DLGAP1: variants seen among roughly 807,000 people sequenced by gnomAD.
DLGAP1 encodes the protein DLG associated protein 1.
In DLGAP1, 11 loss-of-function variants were observed where a neutral mutation model predicts 90.8. That is an observed-to-expected ratio of 0.12 (90% confidence interval 0.08 to 0.20). The LOEUF is 0.20. Ranked by LOEUF, DLGAP1 falls within the 10% of genes least tolerant of loss-of-function variation. The pLI is 1.00. For synonymous variants in DLGAP1, 558 were observed against 540.7 expected (o/e 1.03, Z -0.44); for missense variants, 1,050 against 1,333.8 (o/e 0.79, Z 3.31).
Position 3,729,490 on chromosome 18 carries a change from G to C in DLGAP1, c.1351-115C>G. 13 of 1,378,478 alleles carry C rather than the reference G, an allele frequency of 9.4e-6. No individual in the cohort carries two copies. Among genetic ancestry groups the C allele is most frequent in the Non-Finnish European group, 1.3e-5 (13 of 1,023,368 alleles). The allele number at this position is 1,378,478 out of a possible 1,614,324, so 85.4% of individuals were successfully genotyped here. The stretch of plus-strand genomic sequence containing the variant: ...AAAAAGCAGCGTCTGGTTAGATTAA[G>C]CTCAAATGCATTTTATTTCCTTTCT... On this transcript the variant is annotated intron_variant, in intron 6 of 12. Coordinates refer to ENST00000315677, the MANE Select transcript of DLGAP1 (RefSeq NM_004746.4). The surrounding 1 kb of genome is among the most constrained non-coding windows in gnomAD (Gnocchi z 6.2).
At chr18:4,440,209 G>T (rs4399630) in intron 1 of DLGAP1, among the ~76,000 whole-genome samples, 45,660 of 150,762 alleles carry the variant, frequency 0.3, 7,191 homozygotes, top group Non-Finnish European at 0.32. Flanking sequence ...GGACTGGGGA[G>T]TTATGAGGGG....
At chr18:4,313,802 T>C (rs1271187546) in intron 1 of DLGAP1, among the ~76,000 whole-genome samples, 1 of 152,204 alleles carries the variant, frequency 6.6e-6, no homozygotes, top group South Asian at 2.1e-4. Flanking sequence ...CTAGTTAGCA[T>C]GCTGCAGAAG....
At chr18:4,022,613 A>G (rs1006140866) in intron 2 of DLGAP1, among the ~76,000 whole-genome samples, 1 of 152,178 alleles carries the variant, frequency 6.6e-6, no homozygotes, top group African/African-American at 2.4e-5. Flanking sequence ...CTATTCATAC[A>G]TTGGTAAGTC....
intron 1 of DLGAP1, among the ~76,000 whole-genome samples, chr18:4,412,200 T>C (rs2082793967): frequency 6.6e-6 from 1 of 152,106 alleles, no homozygotes; most frequent in African/African-American, 2.4e-5. Flanking sequence ...CAAGGCCTGG[T>C]CCTGTGTTAG....
intron 4 of DLGAP1, among the ~76,000 whole-genome samples, chr18:3,875,761 C>T (rs758824343): frequency 3.9e-5 from 6 of 152,122 alleles, no homozygotes; most frequent in Admixed American, 1.3e-4. Flanking sequence ...AATTAGTACT[C>T]TGACACATGT....
intron 2 of DLGAP1, among the ~76,000 whole-genome samples, chr18:4,089,122 A>T (rs866636095): frequency 2.6e-5 from 4 of 152,082 alleles, no homozygotes; most frequent in South Asian, 4.1e-4. Context: ...TACAAAATCA[A>T]TGTGCAAAAA....
intron 4 of DLGAP1, among the ~76,000 whole-genome samples, chr18:3,833,183 T>A (rs2068144516): frequency 1.7e-5 from 1 of 60,280 alleles, no homozygotes; most frequent in African/African-American, 6.6e-5. Flanking sequence ...CCTTCCTTCC[T>A]TCCTTCCTTC....
At position 4,446,898 on chromosome 18, in the gene DLGAP1, A is replaced by C. The variant is rs144862494; in HGVS notation, c.-267+8108T>G. On this transcript the variant is annotated intron_variant, in intron 1 of 12. Coordinates refer to ENST00000315677, the MANE Select transcript of DLGAP1 (RefSeq NM_004746.4). ...CATGTATGAATAAGGAATCCACAGC[A>C]ACTAGAATATTAATAAAGAGAGGGA... Among the ~76,000 whole-genome samples, 1,025 of 152,334 alleles carry C rather than the reference A, an allele frequency of 6.7e-3. 12 individuals carry two copies. Among genetic ancestry groups the C allele is most frequent in the Non-Finnish European group, 0.011 (758 of 68,020 alleles).
intron 1 of DLGAP1, among the ~76,000 whole-genome samples, chr18:4,262,471 G>A (rs368971887): frequency 6.6e-6 from 1 of 152,090 alleles, no homozygotes; most frequent in Non-Finnish European, 1.5e-5. Context: ...GCCACACTGC[G>A]GGACAAATAA....
In DLGAP1 at chr18:3,845,501, C is replaced by T. The variant is rs1343927533; in HGVS notation, c.958-31228G>A. 5.4e-5 allele frequency: 69 copies of T among 1,272,462 alleles called. No individual in the cohort carries two copies. The East Asian group carries it at 1.2e-3, about 22-fold the overall frequency. The allele number at this position is 1,272,462 out of a possible 1,614,324, so 78.8% of individuals were successfully genotyped here. A position where few individuals can be genotyped will look rare whatever the true frequency, so the allele number is the denominator to read the frequency against. ...AAAACCCTATAGCTGAAGAATAACA[C>T]TTAAGTGAATACTTAGTGCAGATTT... On this transcript the variant is annotated intron_variant, in intron 4 of 12. Transcript: ENST00000315677.
intron 5 of DLGAP1, among the ~76,000 whole-genome samples, chr18:3,748,880 A>G (rs2063379168): frequency 6.6e-6 from 1 of 152,176 alleles, no homozygotes; most frequent in African/African-American, 2.4e-5. Flanking sequence ...ATGGCTTTAT[A>G]ATCCGTATAG....
chr18:4,284,203 G>GAA (rs11392858), intron 1 of DLGAP1, among the ~76,000 whole-genome samples: 5,183 of 134,484 alleles, frequency 0.039, 249 homozygotes, highest in African/African-American at 0.11. Flanking sequence ...TGCCTCTACT[G>GAA]AAAAAAAAAA....
chr18:4,141,286 G>A (rs966188745), intron 2 of DLGAP1, among the ~76,000 whole-genome samples: 3 of 151,906 alleles, frequency 2.0e-5, no homozygotes, highest in Non-Finnish European at 2.9e-5. Flanking sequence ...AGGTTACAGA[G>A]ACTAAGTAGG....
At chr18:3,580,210 G>A (rs986958852) in intron 8 of DLGAP1, 10 of 1,574,462 alleles carry the variant, frequency 6.4e-6, no homozygotes, top group Admixed American at 3.3e-5. Flanking sequence ...TCAAACCTCC[G>A]GGTGGACATT....
In DLGAP1 at chr18:4,110,365, A is replaced by G. The variant is rs186396983; in HGVS notation, c.-159+40815T>C. ...TGTATACCATTGTTGACTGAGCATC[A>G]TTATGTGGTGCGTGACTGTCTATAT... On this transcript the variant is annotated intron_variant, in intron 2 of 12. Coordinates refer to ENST00000315677, the MANE Select transcript of DLGAP1 (RefSeq NM_004746.4). Among the ~76,000 whole-genome samples the G allele has an allele frequency of 2.0e-3, 311 of 152,328 alleles. 2 individuals are homozygous for G. Among genetic ancestry groups the G allele is most frequent in the African/African-American group, 7.1e-3 (294 of 41,576 alleles).
intron 4 of DLGAP1, among the ~76,000 whole-genome samples, chr18:3,822,589 C>T (rs935316034): frequency 6.6e-5 from 10 of 152,182 alleles, no homozygotes; most frequent in Non-Finnish European, 1.5e-4. Flanking sequence ...GAATTTCCTA[C>T]TGGGTTTGAA....
At chr18:3,597,642 C>G (rs2056658497) in intron 7 of DLGAP1, 4 of 221,612 alleles carry the variant, frequency 1.8e-5, no homozygotes, top group Non-Finnish European at 3.6e-5. Context: ...CAGCCCATTG[C>G]TGCCACTGCC....
rs2093687156 is a variant in DLGAP1 at position 3,790,577 on chromosome 18, T to TTAAA, written c.1172+23481_1172+23482insTTTA. 2.0e-5 allele frequency among the ~76,000 whole-genome samples: 3 copies of TTAAA among 152,226 alleles called. No homozygotes were observed. The South Asian group carries it at 6.2e-4, about 31-fold the overall frequency. On this transcript the variant is annotated intron_variant, in intron 5 of 12. Coordinates refer to ENST00000315677, the MANE Select transcript of DLGAP1 (RefSeq NM_004746.4). Reference sequence around the variant, plus strand: ...GGCATTGTGCCTGGCCAGTCTTTGTTTCTTTAATCTTTAAAATGAATAAGT... The same window carrying TTAAA: ...GGCATTGTGCCTGGCCAGTCTTTGTTTAAATCTTTAATCTTTAAAATGAATAAGT...
chr18:4,180,076 G>A (rs566881879), intron 1 of DLGAP1, among the ~76,000 whole-genome samples: 4 of 152,082 alleles, frequency 2.6e-5, no homozygotes, highest in Non-Finnish European at 4.4e-5. Flanking sequence ...GATCTCCCTC[G>A]TGATCTCCCT....
Sources: gnomAD v4.1 joint callset for allele counts (sites outside exome capture counted in the v4.1 genomes callset) on GRCh38, gnomAD v4.1.1 for gene constraint, Gnocchi (gnomAD v3.1) non-coding constraint, MANE v1.5 for transcripts, NCBI Gene and HGNC (gene_info 2026-07-23, HGNC 2026-07-21) for gene names.